Variants in CACNA1C observed in about 807,000 individuals in gnomAD.
The protein encoded by CACNA1C is calcium voltage-gated channel subunit alpha1 C, also known as voltage-dependent L-type calcium channel subunit alpha-1C.
A neutral mutation model predicts 229.0 loss-of-function variants in CACNA1C; 30 were observed. The ratio of observed to expected loss-of-function variants is 0.13; its 90% CI spans 0.10 to 0.18. The LOEUF is 0.18. Ranked by LOEUF, CACNA1C falls within the 10% of genes least tolerant of loss-of-function variation. CACNA1C has a pLI of 1.00. For missense variants in CACNA1C, 1,658 were observed against 2,845.0 expected, an observed-to-expected ratio of 0.58 and a Z score of 9.49; for synonymous variants, 1,114 against 1,132.5, an observed-to-expected ratio of 0.98 and a Z score of 0.33.
intron 3 of CACNA1C, among the ~76,000 whole-genome samples, chr12:2,273,847 C>T (rs1198801375): frequency 6.6e-6 from 1 of 152,216 alleles, no homozygotes; most frequent in Non-Finnish European, 1.5e-5. Context: ...GTCAAGGAGG[C>T]TGTCTGTTTC....
chr12:2,442,708 G>A (rs1304636681), intron 3 of CACNA1C, among the ~76,000 whole-genome samples: 1 of 152,250 alleles, frequency 6.6e-6, no homozygotes, highest in Non-Finnish European at 1.5e-5. Flanking sequence ...AGTGCCATCT[G>A]CTTCTGGGGA....
At chr12:2,003,939 C>G (rs2042766243) in intron 1 of CACNA1C, among the ~76,000 whole-genome samples, 1 of 152,216 alleles carries the variant, frequency 6.6e-6, no homozygotes, top group Non-Finnish European at 1.5e-5. Flanking sequence ...TAACAGAACT[C>G]TGCTCTACTT....
At chr12:2,470,921 C>T (rs1428107608) in intron 5 of CACNA1C, among the ~76,000 whole-genome samples, 1 of 152,020 alleles carries the variant, frequency 6.6e-6, no homozygotes, top group Non-Finnish European at 1.5e-5. Context: ...CAACCACCCC[C>T]TCCCGGGTTC....
chr12:2,001,535 C>T (rs1017644008), intron 1 of CACNA1C, among the ~76,000 whole-genome samples: 6 of 152,132 alleles, frequency 3.9e-5, no homozygotes, highest in Non-Finnish European at 8.8e-5. Context: ...ACTAGCTCAA[C>T]GCAATCTCTA....
chr12:2,466,598 T>A (rs1356214636), intron 5 of CACNA1C, among the ~76,000 whole-genome samples: 1 of 152,226 alleles, frequency 6.6e-6, no homozygotes, highest in Non-Finnish European at 1.5e-5. Flanking sequence ...GTTCCCAGAC[T>A]TCCTTTAATT....
chr12:2,078,608 G>C (rs145824167), intron 1 of CACNA1C, among the ~76,000 whole-genome samples: 2,187 of 152,260 alleles, frequency 0.014, 30 homozygotes, highest in South Asian at 0.065. Flanking sequence ...TGGATATAGA[G>C]TTTCAGTTAC....
intron 3 of CACNA1C, among the ~76,000 whole-genome samples, chr12:2,356,023 T>C (rs1005070326): frequency 6.6e-6 from 1 of 152,210 alleles, no homozygotes; most frequent in Non-Finnish European, 1.5e-5. Flanking sequence ...TTGCATTTAG[T>C]TGGACACTCA....
intron 3 of CACNA1C, among the ~76,000 whole-genome samples, chr12:2,398,519 G>T (rs2098628807): frequency 6.6e-6 from 1 of 152,156 alleles, no homozygotes; most frequent in African/African-American, 2.4e-5. Flanking sequence ...TGACTTCTGG[G>T]AGCCACCATT....
chr12:2,135,345 G>A (rs1056817677), intron 3 of CACNA1C, among the ~76,000 whole-genome samples: 6 of 146,602 alleles, frequency 4.1e-5, no homozygotes, highest in Non-Finnish European at 6.0e-5. Context: ...TTCTGTTGCT[G>A]GTGAGGAGCT....
chr12:2,556,329 T>C (rs1418893507), intron 10 of CACNA1C, among the ~76,000 whole-genome samples: 1 of 152,126 alleles, frequency 6.6e-6, no homozygotes, highest in Admixed American at 6.5e-5. Flanking sequence ...GCAGCCACCC[T>C]CACACCCACC....
At chr12:2,631,256 ACT>A (rs1233539814) in intron 29 of CACNA1C, among the ~76,000 whole-genome samples, 3 of 151,566 alleles carry the variant, frequency 2.0e-5, no homozygotes, top group African/African-American at 7.3e-5. Context: ...GAGCACTGAC[ACT>A]CACACCTTCC....
chr12:2,591,620 G>A (rs1195104761), intron 18 of CACNA1C, among the ~76,000 whole-genome samples: 1 of 152,194 alleles, frequency 6.6e-6, no homozygotes, highest in African/African-American at 2.4e-5. Flanking sequence ...TGCAGAGAGG[G>A]AGATGAAGCG....
intron 3 of CACNA1C, among the ~76,000 whole-genome samples, chr12:2,189,977 G>A (rs1382006162): frequency 6.6e-6 from 1 of 152,230 alleles, no homozygotes; most frequent in Non-Finnish European, 1.5e-5. Flanking sequence ...TTACACCTGA[G>A]TGAAGCATCT....
At chr12:2,082,011 A>G (rs1415779245) in intron 1 of CACNA1C, among the ~76,000 whole-genome samples, 8 of 151,994 alleles carry the variant, frequency 5.3e-5, no homozygotes, top group Non-Finnish European at 5.9e-5. Context: ...TAACGCTGCC[A>G]TTTTGAGAGG....
intron 25 of CACNA1C, 44 bp from the exon 26 acceptor site, chr12:2,606,939 GA>G: frequency 6.2e-7 from 1 of 1,603,224 alleles, no homozygotes; most frequent in Non-Finnish European, 8.5e-7. Flanking sequence ...AGGCGTGAAG[GA>G]AGATGGGAGA....
At chr12:2,598,359 A>G (rs215985) in intron 21 of CACNA1C, among the ~76,000 whole-genome samples, 144,399 of 152,250 alleles carry the variant, frequency 0.95, 68,654 homozygotes, top group East Asian at 1. Flanking sequence ...GGATGAGAGA[A>G]AGAGTATTCC....
At position 2,585,811 on chromosome 12, in the gene CACNA1C, C is replaced by G. The variant is rs768901667; in HGVS notation, c.2461-24C>G. 6.4e-7 allele frequency: 1 copy of G among 1,565,710 alleles called. No individual in the cohort carries two copies. The highest frequency in any genetic ancestry group is 1.1e-5 in the South Asian group (1 of 87,538). ...TGGGGACGTATCTAACTATTCTTCC[C>G]CCTTCTCCCCTGTGACTGTCTAGAT... On this transcript the variant is annotated intron_variant, in intron 17 of 46. Coordinates refer to ENST00000399655, the MANE Select transcript of CACNA1C (RefSeq NM_000719.7). This position sits in a 1 kb window ranked among gnomAD's most constrained non-coding sequence, Gnocchi z 4.1.
intron 9 of CACNA1C, among the ~76,000 whole-genome samples, chr12:2,545,003 A>C (rs1026740522): frequency 1.3e-5 from 2 of 152,194 alleles, no homozygotes; most frequent in Non-Finnish European, 2.9e-5. Context: ...AGTGAATCAT[A>C]CTAACAGACC....
chr12:2,203,904 A>G (rs1420337067), intron 3 of CACNA1C, among the ~76,000 whole-genome samples: 1 of 152,216 alleles, frequency 6.6e-6, no homozygotes, highest in Non-Finnish European at 1.5e-5. Flanking sequence ...GGTCCCCGGC[A>G]CAGGTCTTTG....
Sources: allele counts gnomAD v4.1 joint callset (sites outside exome capture counted in the v4.1 genomes callset), GRCh38; gene constraint gnomAD v4.1.1; non-coding constraint Gnocchi (gnomAD v3.1); transcripts MANE v1.5; gene names NCBI Gene and HGNC (gene_info 2026-07-23, HGNC 2026-07-21).